Variants in TMOD1 observed in about 807,000 individuals in gnomAD.
TMOD1 encodes tropomodulin-1.
A neutral mutation model predicts 40.6 loss-of-function variants in TMOD1; 17 were observed. The ratio of observed to expected loss-of-function variants is 0.42; its 90% CI spans 0.29 to 0.63. The LOEUF is 0.63. Ranked by LOEUF, TMOD1 falls within the 20% of genes least tolerant of loss-of-function variation. TMOD1 has a pLI of 0.22. For synonymous variants in TMOD1, 181 were observed against 175.0 expected (o/e 1.03, Z -0.27); for missense variants, 391 against 447.6 (o/e 0.87, Z 1.14).
intron 2 of TMOD1, among the ~76,000 whole-genome samples, chr9:97,531,316 A>C (rs1830099636): frequency 6.6e-6 from 1 of 152,162 alleles, no homozygotes. Context: ...ATGTGTCAAG[A>C]GTTCTGAGAA....
In TMOD1 at chr9:97,601,138, G is replaced by A. The variant is rs1258246885; in HGVS notation, c.*1440G>A. ...CACTGAGGCTGCACATGGCCCAGGA[G>A]TGGCACCATGTTGCAGGGACAACCA... On this transcript the variant is annotated 3_prime_UTR_variant, in exon 10 of 10. Coordinates refer to ENST00000259365, the MANE Select transcript of TMOD1 (RefSeq NM_003275.4). 7.7e-7 allele frequency: 1 copy of A among 1,304,040 alleles called. No individual in the cohort carries two copies. The highest frequency in any genetic ancestry group is 2.3e-5 in the Admixed American group (1 of 43,498). The allele number at this position is 1,304,040 out of a possible 1,614,324, so 80.8% of individuals were successfully genotyped here.
At chr9:97,537,273 CGT>C (rs1830199310) in intron 2 of TMOD1, among the ~76,000 whole-genome samples, 1 of 152,246 alleles carries the variant, frequency 6.6e-6, no homozygotes, top group Middle Eastern at 3.4e-3. Flanking sequence ...TGCATGTGCA[CGT>C]GTGTGCATGT....
At chr9:97,551,014 A>ATTTTTTTTTT (rs55700746) in intron 3 of TMOD1, among the ~76,000 whole-genome samples, 1 of 104,270 alleles carries the variant, frequency 9.6e-6, no homozygotes, top group African/African-American at 4.3e-5. Context: ...ATATATATAT[A>ATTTTTTTTTT]TTTTTTTTTT....
intron 2 of TMOD1, among the ~76,000 whole-genome samples, chr9:97,537,849 A>G (rs1305106308): frequency 1.3e-5 from 2 of 152,366 alleles, no homozygotes; most frequent in East Asian, 3.9e-4. Flanking sequence ...TTTGAGAAAT[A>G]AATGAATGAA....
chr9:97,595,424 G>A (rs898735232), intron 9 of TMOD1, among the ~76,000 whole-genome samples: 5 of 151,862 alleles, frequency 3.3e-5, no homozygotes, highest in African/African-American at 2.4e-5. Flanking sequence ...GCTTCTATGA[G>A]GTCAATTGTT....
intron 1 of TMOD1, among the ~76,000 whole-genome samples, chr9:97,509,625 G>A (rs1436489363): frequency 6.6e-6 from 1 of 151,126 alleles, no homozygotes; most frequent in Non-Finnish European, 1.5e-5. Context: ...AACCCCAGAA[G>A]CTGGGACCAC....
chr9:97,568,779 G>T, intron 7 of TMOD1, 115 bp from the exon 8 acceptor site: 1 of 1,241,624 alleles, frequency 8.1e-7, no homozygotes, highest in Non-Finnish European at 1.1e-6. Flanking sequence ...CTTGGTGAAG[G>T]ACATGGTGGA....
rs1830480338 is a variant in TMOD1, at chr9:97,553,273, G to A, written c.278-8G>A. On this transcript the variant is annotated splice_region_variant and splice_polypyrimidine_tract_variant and intron_variant, in intron 3 of 9. Transcript: ENST00000259365. ...CACTCCCGTAACAGGTCCCCTGTGT[G>A]TTTGCAGGAAAGGTCTGGGTTCCTA... 1 of 1,613,974 alleles carries A rather than the reference G, an allele frequency of 6.2e-7. No homozygotes were observed.
intron 2 of TMOD1, among the ~76,000 whole-genome samples, chr9:97,527,642 G>C (rs1284600807): frequency 2.0e-5 from 3 of 152,182 alleles, no homozygotes; most frequent in Admixed American, 2.0e-4. Context: ...GATAGATAAC[G>C]CGGGGGAAGA....
At chr9:97,529,047 G>T (rs2131227122) in intron 2 of TMOD1, among the ~76,000 whole-genome samples, 1 of 152,310 alleles carries the variant, frequency 6.6e-6, no homozygotes, top group African/African-American at 2.4e-5. Flanking sequence ...CCACAACTAG[G>T]CGATGGCAGA....
chr9:97,533,207 G>A (rs12376205), intron 2 of TMOD1, among the ~76,000 whole-genome samples: 2 of 152,252 alleles, frequency 1.3e-5, no homozygotes, highest in Admixed American at 6.5e-5. Context: ...AGGCCTCTCA[G>A]TTTGCAGCTC....
At chr9:97,510,371 C>T (rs1829675865) in intron 1 of TMOD1, among the ~76,000 whole-genome samples, 2 of 152,150 alleles carry the variant, frequency 1.3e-5, no homozygotes, top group Admixed American at 1.3e-4. Flanking sequence ...GCTGGAATTA[C>T]AGGTGCCCAC....
chr9:97,556,176 A>G (rs913911), intron 4 of TMOD1, among the ~76,000 whole-genome samples: 115,938 of 151,370 alleles, frequency 0.77, 44,416 homozygotes, highest in Middle Eastern at 0.87. Context: ...CAGAGCTGTG[A>G]GATTGCATCT....
At chr9:97,547,966 G>A (rs1201380752) in intron 3 of TMOD1, among the ~76,000 whole-genome samples, 3 of 152,108 alleles carry the variant, frequency 2.0e-5, no homozygotes, top group Admixed American at 6.5e-5. Context: ...AATGTTTAAT[G>A]GATTTGTGCA....
chr9:97,575,792 G>C (rs140149204), intron 8 of TMOD1, among the ~76,000 whole-genome samples: 1 of 152,194 alleles, frequency 6.6e-6, no homozygotes, highest in African/African-American at 2.4e-5. Flanking sequence ...TGGTAATTTT[G>C]TTCAAGAGCA....
At chr9:97,575,161 C>T (rs1273897812) in intron 8 of TMOD1, among the ~76,000 whole-genome samples, 3 of 152,158 alleles carry the variant, frequency 2.0e-5, no homozygotes, top group South Asian at 2.1e-4. Context: ...ACACTCACCG[C>T]GAAGGTCTGC....
chr9:97,541,565 G>T (rs1399012310), intron 2 of TMOD1, among the ~76,000 whole-genome samples: 1 of 151,536 alleles, frequency 6.6e-6, no homozygotes, highest in African/African-American at 2.4e-5. Context: ...GATCAGGCTG[G>T]AGTCTAGCGG....
Position 97,569,002 on chromosome 9 carries a change from A to G in TMOD1, c.835A>G (p.Asn279Asp). 6.2e-7 allele frequency: 1 copy of G among 1,614,158 alleles called. No homozygotes were observed. Among genetic ancestry groups the G allele is most frequent in the Non-Finnish European group, 8.5e-7 (1 of 1,180,012 alleles). ...GCGCCTGGTAGAAGCCCTCCCATAC[A>G]ACACTTCTCTGGTGGAAATGAAAAT... ...ILRLVEALPYNTSLVEMKIDN... is the reference protein window; with the variant it reads ...ILRLVEALPYDTSLVEMKIDN... Residue 279 changes from asparagine (N) to aspartate (D), a missense_variant, in exon 8 of 10, where the codon AAC becomes GAC. Physicochemically the swap from Asn to Asp is conservative, Grantham distance 23 (BLOSUM62 1). Transcript: ENST00000259365.
chr9:97,600,679 G>T lies in TMOD1; in HGVS notation c.*981G>T. 1 of 996,180 alleles carries T rather than the reference G, an allele frequency of 1.0e-6. No homozygotes were observed. The highest frequency in any genetic ancestry group is 1.2e-6 in the Non-Finnish European group (1 of 836,578). 61.7% of individuals were successfully genotyped at this position (996,180 alleles called of 1,614,324 possible). ...TTAGACAAATTGCTGCTGACCTTAC[G>T]CCTGTATATTAAGCCTCCGCAGGAT... On this transcript the variant is annotated 3_prime_UTR_variant, in exon 10 of 10. Transcript: ENST00000259365.
Sources: allele counts gnomAD v4.1 joint callset (sites outside exome capture counted in the v4.1 genomes callset), GRCh38; gene constraint gnomAD v4.1.1; transcripts MANE v1.5; gene names NCBI Gene and HGNC (gene_info 2026-07-23, HGNC 2026-07-21).